The following STK39 variants were observed in gnomAD, a reference collection of about 807,000 sequenced individuals.
The protein encoded by STK39 is serine/threonine kinase 39, also known as STE20/SPS1-related proline-alanine-rich protein kinase.
In STK39, 20 loss-of-function variants were observed where a neutral mutation model predicts 77.8. The observed-to-expected ratio is 0.26, with a 90% CI of 0.18 to 0.37. STK39 has a LOEUF of 0.37. Ranked by LOEUF, STK39 falls within the 10% of genes least tolerant of loss-of-function variation. The probability of loss-of-function intolerance (pLI) is 1.00; values close to 1 mark genes in which losing one functional copy is unlikely to be tolerated. For missense variants in STK39, 479 were observed against 656.5 expected (o/e 0.73, Z 2.95); for synonymous variants, 246 against 234.1 (o/e 1.05, Z -0.47).
At chr2:168,077,314 T>A (rs1197040983) in intron 10 of STK39, among the ~76,000 whole-genome samples, 1 of 152,190 alleles carries the variant, frequency 6.6e-6, no homozygotes, top group African/African-American at 2.4e-5. Context: ...CCCCTCTGGC[T>A]CTATGTTTAC....
chr2:168,126,221 G>C (rs1281163315), intron 10 of STK39, among the ~76,000 whole-genome samples: 1 of 152,052 alleles, frequency 6.6e-6, no homozygotes, highest in East Asian at 1.9e-4. Flanking sequence ...AAAATCAATG[G>C]ATCAACATCA....
intron 17 of STK39, among the ~76,000 whole-genome samples, chr2:167,961,269 G>A (rs1325753356): frequency 3.3e-5 from 5 of 152,112 alleles, no homozygotes; most frequent in Non-Finnish European, 5.9e-5. Context: ...AAATAAGTCC[G>A]TTTAGTCACT....
At chr2:167,998,080 A>G (rs1347183696) in intron 16 of STK39, among the ~76,000 whole-genome samples, 1 of 151,956 alleles carries the variant, frequency 6.6e-6, no homozygotes, top group African/African-American at 2.4e-5. Flanking sequence ...AAAGTATTAC[A>G]TAAAGAATAA....
intron 1 of STK39, among the ~76,000 whole-genome samples, chr2:168,244,513 A>C (rs1044621252): frequency 6.6e-6 from 1 of 152,216 alleles, no homozygotes; most frequent in African/African-American, 2.4e-5. Flanking sequence ...GGCGGGTAGA[A>C]GCAAAGGCTG....
intron 10 of STK39, among the ~76,000 whole-genome samples, chr2:168,114,645 A>T (rs1687211644): frequency 6.6e-6 from 1 of 152,156 alleles, no homozygotes; most frequent in African/African-American, 2.4e-5. Flanking sequence ...GAAAAAAGAA[A>T]AATAGGGTTC....
chr2:168,043,453 C>T (rs1041748623), intron 14 of STK39, among the ~76,000 whole-genome samples: 3 of 152,130 alleles, frequency 2.0e-5, no homozygotes, highest in Non-Finnish European at 4.4e-5. Flanking sequence ...AACAAACAAC[C>T]CCCAAAATGT....
At chr2:168,105,966 C>T (rs1686959665) in intron 10 of STK39, among the ~76,000 whole-genome samples, 1 of 152,200 alleles carries the variant, frequency 6.6e-6, no homozygotes, top group Non-Finnish European at 1.5e-5. Flanking sequence ...CATCATGACT[C>T]CTACATATAC....
At chr2:168,110,644 T>C (rs1209613991) in intron 10 of STK39, among the ~76,000 whole-genome samples, 2 of 152,218 alleles carry the variant, frequency 1.3e-5, no homozygotes, top group African/African-American at 2.4e-5. Flanking sequence ...CTGTCATACA[T>C]CAAGTTTTCC....
chr2:167,973,040 A>G (rs1692393194), intron 16 of STK39, among the ~76,000 whole-genome samples: 1 of 152,168 alleles, frequency 6.6e-6, no homozygotes, highest in Non-Finnish European at 1.5e-5. Context: ...AAAATTAAAA[A>G]CTGACAAATA....
Position 167,956,702 on chromosome 2 carries a change from T to TCACACACA in STK39, c.1564-1133_1564-1132insTGTGTGTG, listed in dbSNP as rs1392202471. On this transcript the variant is annotated intron_variant, in intron 17 of 17. Coordinates refer to ENST00000355999, the MANE Select transcript of STK39 (RefSeq NM_013233.3). ...CACACACACACACACACACACTCTC[T>TCACACACA]CTCTCTCTCTCTCTCTCTCTCTCTC... Among the ~76,000 whole-genome samples, 2 of 75,828 alleles carry TCACACACA rather than the reference T, an allele frequency of 2.6e-5. 1 individual carries two copies. Among genetic ancestry groups the TCACACACA allele is most frequent in the Non-Finnish European group, 4.9e-5 (2 of 40,940 alleles). 49.7% of individuals were successfully genotyped at this position (75,828 alleles called of 152,430 possible).
intron 10 of STK39, among the ~76,000 whole-genome samples, chr2:168,094,736 T>G (rs1462169866): frequency 1.3e-5 from 2 of 152,106 alleles, no homozygotes; most frequent in Non-Finnish European, 2.9e-5. Context: ...CTTTGTTCTC[T>G]CTGTCATGTC....
intron 10 of STK39, among the ~76,000 whole-genome samples, chr2:168,080,574 G>C (rs907579098): frequency 3.9e-5 from 6 of 152,018 alleles, no homozygotes; most frequent in African/African-American, 4.8e-5. Flanking sequence ...AGTTTGCAGT[G>C]AGCCGAGATG....
At chr2:168,181,262 T>C (rs1221135900) in intron 2 of STK39, among the ~76,000 whole-genome samples, 4 of 152,136 alleles carry the variant, frequency 2.6e-5, no homozygotes, top group Non-Finnish European at 5.9e-5. Context: ...ACAACGATAT[T>C]TATGAGATTA....
At chr2:168,118,130 G>A (rs1687305779) in intron 10 of STK39, among the ~76,000 whole-genome samples, 1 of 152,068 alleles carries the variant, frequency 6.6e-6, no homozygotes, top group African/African-American at 2.4e-5. Flanking sequence ...GATGCTCGGG[G>A]AGCACTGCAT....
At chr2:168,209,015 C>T (rs1339938242) in intron 1 of STK39, among the ~76,000 whole-genome samples, 1 of 152,202 alleles carries the variant, frequency 6.6e-6, no homozygotes, top group Non-Finnish European at 1.5e-5. Flanking sequence ...GTAGAACAAG[C>T]TTAGTGGCTA....
chr2:168,119,821 A>C (rs1687358335), intron 10 of STK39, among the ~76,000 whole-genome samples: 1 of 152,238 alleles, frequency 6.6e-6, no homozygotes, highest in Non-Finnish European at 1.5e-5. Context: ...AGTTAATTAT[A>C]AGATTCCAGG....
chr2:168,177,978 T>G (rs1403608586), intron 2 of STK39, among the ~76,000 whole-genome samples: 1 of 152,090 alleles, frequency 6.6e-6, no homozygotes, highest in Admixed American at 6.5e-5. Flanking sequence ...AAAACAAAAA[T>G]GAAGAGACTC....
intron 14 of STK39, among the ~76,000 whole-genome samples, chr2:168,042,281 A>G (rs1685125132): frequency 6.6e-6 from 1 of 152,238 alleles, no homozygotes; most frequent in Non-Finnish European, 1.5e-5. Context: ...TCATTCATTT[A>G]TATCATGTGG....
chr2:167,974,133 T>C (rs1476063029), intron 16 of STK39, among the ~76,000 whole-genome samples: 1 of 152,156 alleles, frequency 6.6e-6, no homozygotes, highest in Non-Finnish European at 1.5e-5. Context: ...AGATTTTTGT[T>C]TGTCTTTTGA....
Sources: allele counts gnomAD v4.1 joint callset (sites outside exome capture counted in the v4.1 genomes callset), GRCh38; gene constraint gnomAD v4.1.1; transcripts MANE v1.5; gene names NCBI Gene and HGNC (gene_info 2026-07-23, HGNC 2026-07-21).